The following NGEF variants were observed in gnomAD, a reference collection of about 807,000 sequenced individuals.
NGEF encodes neuronal guanine nucleotide exchange factor, also known as ephexin-1.
Under a neutral mutation model 80.9 loss-of-function variants are expected in NGEF, and 31 were observed. That is an observed-to-expected ratio of 0.38 (90% CI 0.29 to 0.52). The LOEUF (loss-of-function observed/expected upper bound fraction) is 0.52, where lower values mean the gene tolerates loss of function less well. NGEF is among the 20% of genes least tolerant of loss of function. NGEF has a pLI of 0.84. For synonymous variants in NGEF, 371 were observed against 370.2 expected, an observed-to-expected ratio of 1.00 and a Z score of -0.03; for missense variants, 709 against 926.2, an observed-to-expected ratio of 0.77 and a Z score of 3.04.
intron 5 of NGEF, among the ~76,000 whole-genome samples, chr2:232,903,988 C>T (rs1692428974): frequency 1.3e-5 from 2 of 152,180 alleles, no homozygotes; most frequent in African/African-American, 4.8e-5. Context: ...CAGATGCAGA[C>T]TGAGCTGCAT....
chr2:232,919,441 C>CT (rs562653114), intron 5 of NGEF, among the ~76,000 whole-genome samples: 19 of 149,024 alleles, frequency 1.3e-4, no homozygotes, highest in African/African-American at 1.7e-4. Context: ...AACCAAATCT[C>CT]TTTTTTTTTT....
intron 1 of NGEF, among the ~76,000 whole-genome samples, chr2:232,988,055 G>A (rs914160831): frequency 1.3e-5 from 2 of 151,578 alleles, no homozygotes; most frequent in Non-Finnish European, 2.9e-5. Flanking sequence ...GTGTGTGTGT[G>A]TGTGTGTGTG....
chr2:232,889,083 C>T (rs1691796813), intron 8 of NGEF, among the ~76,000 whole-genome samples: 1 of 152,192 alleles, frequency 6.6e-6, no homozygotes, highest in Admixed American at 6.5e-5. Flanking sequence ...TGGTCACCTG[C>T]CCGCCTCTGC....
rs371141578 is a variant in NGEF at position 232,879,780 on chromosome 2, A to AGG, written c.1943-103_1943-102dup. 1.1e-5 allele frequency: 12 copies of AGG among 1,137,598 alleles called. 1 individual carries two copies. Among genetic ancestry groups the AGG allele is most frequent in the African/African-American group, 9.3e-5 (6 of 64,778 alleles). The allele number at this position is 1,137,598 out of a possible 1,614,324, so 70.5% of individuals were successfully genotyped here. ...GGGCCCCCATCTGTGGCGGGACACT[A>AGG]GGGGTCCAGCTGGCCTTTCCCAAAA... is the stretch of plus-strand genomic sequence containing the variant. On this transcript the variant is annotated intron_variant, in intron 14 of 14. Coordinates refer to ENST00000264051, the MANE Select transcript of NGEF (RefSeq NM_019850.3).
intron 2 of NGEF, 75 bp from the exon 3 acceptor site, chr2:232,970,403 G>A (rs1694161687): frequency 6.3e-6 from 6 of 948,712 alleles, no homozygotes; most frequent in South Asian, 6.0e-5. Flanking sequence ...GTAAGCCTAG[G>A]ACAGTAGCAG....
chr2:232,914,624 A>G (rs1174802385), intron 5 of NGEF, among the ~76,000 whole-genome samples: 1 of 151,948 alleles, frequency 6.6e-6, no homozygotes, highest in Non-Finnish European at 1.5e-5. Flanking sequence ...AATTGCTTGA[A>G]CCCAGGAGGC....
chr2:233,004,970 C>CA (rs971773669), intron 1 of NGEF, among the ~76,000 whole-genome samples: 12 of 127,698 alleles, frequency 9.4e-5, no homozygotes, highest in African/African-American at 2.1e-4. Flanking sequence ...AAACCAAAAA[C>CA]AAAAAAAAGA....
At chr2:232,990,172 C>T (rs1290434451) in intron 1 of NGEF, among the ~76,000 whole-genome samples, 1 of 152,078 alleles carries the variant, frequency 6.6e-6, no homozygotes, top group Non-Finnish European at 1.5e-5. Flanking sequence ...AAAGAACCAA[C>T]TGAAACTCCC....
chr2:232,968,093 C>CTTT (rs1274944227), intron 3 of NGEF, among the ~76,000 whole-genome samples: 8 of 125,782 alleles, frequency 6.4e-5, no homozygotes, highest in African/African-American at 2.0e-4. Flanking sequence ...ACAGACCTGG[C>CTTT]TTTTTTTTTT....
intron 5 of NGEF, among the ~76,000 whole-genome samples, chr2:232,914,904 C>G (rs1053949886): frequency 3.3e-5 from 5 of 151,596 alleles, no homozygotes; most frequent in African/African-American, 1.2e-4. Context: ...GTAATCCCAG[C>G]TACTCGGGAG....
intron 12 of NGEF, among the ~76,000 whole-genome samples, chr2:232,882,865 G>A (rs902689212): frequency 6.6e-6 from 1 of 152,126 alleles, no homozygotes; most frequent in African/African-American, 2.4e-5. Context: ...CTTGTCCCTC[G>A]TGGGGGGCCT....
chr2:233,005,788 A>G (rs1695071817), intron 1 of NGEF, among the ~76,000 whole-genome samples: 1 of 152,062 alleles, frequency 6.6e-6, no homozygotes, highest in African/African-American at 2.4e-5. Context: ...GTCTTCTAGA[A>G]TTGTAAGATT....
Position 232,969,495 on chromosome 2 carries a change from C to T in NGEF, c.383+719G>A, listed in dbSNP as rs200658343. ...CTTCTTCCTTCCTTCCTTCCTCCCTCCCTCCCTCCCTCCCCTGCTTCCTTC... is the reference window on the plus strand; with the variant it reads ...CTTCTTCCTTCCTTCCTTCCTCCCTTCCTCCCTCCCTCCCCTGCTTCCTTC... On this transcript the variant is annotated intron_variant, in intron 3 of 14. Coordinates refer to ENST00000264051, the MANE Select transcript of NGEF (RefSeq NM_019850.3). Among the ~76,000 whole-genome samples the T allele has an allele frequency of 8.4e-3, 790 of 93,660 alleles. 5 individuals carry two copies. Among genetic ancestry groups the T allele is most frequent in the Non-Finnish European group, 9.3e-3 (466 of 49,866 alleles). The allele number at this position is 93,660 out of a possible 152,430, so 61.4% of individuals were successfully genotyped here.
intron 8 of NGEF, among the ~76,000 whole-genome samples, chr2:232,888,402 GCA>G (rs1332139549): frequency 1.3e-5 from 2 of 151,750 alleles, no homozygotes; most frequent in Non-Finnish European, 2.9e-5. Context: ...AAGCACACGT[GCA>G]CACATGCATG....
At chr2:232,943,568 T>C (rs2106298965) in intron 3 of NGEF, among the ~76,000 whole-genome samples, 1 of 149,720 alleles carries the variant, frequency 6.7e-6, no homozygotes, top group South Asian at 2.1e-4. Context: ...CGATCTCGGC[T>C]CACTGCAAGC....
At chr2:232,918,803 A>G (rs1229564330) in intron 5 of NGEF, among the ~76,000 whole-genome samples, 1 of 151,564 alleles carries the variant, frequency 6.6e-6, no homozygotes, top group Non-Finnish European at 1.5e-5. Flanking sequence ...TAACTTTTGT[A>G]TTTTTAGTAG....
At chr2:232,990,698 T>C (rs1402887410) in intron 1 of NGEF, among the ~76,000 whole-genome samples, 3 of 151,982 alleles carry the variant, frequency 2.0e-5, no homozygotes, top group Non-Finnish European at 1.5e-5. Context: ...TAAATTCTTA[T>C]CTCTAAAAAT....
At chr2:232,897,292 C>T (rs571415804) in intron 5 of NGEF, among the ~76,000 whole-genome samples, 6 of 152,046 alleles carry the variant, frequency 3.9e-5, no homozygotes, top group African/African-American at 1.2e-4. Flanking sequence ...CATTTGTTCC[C>T]AGAACACAGT....
At chr2:232,967,598 G>A (rs1694090111) in intron 3 of NGEF, among the ~76,000 whole-genome samples, 1 of 152,082 alleles carries the variant, frequency 6.6e-6, no homozygotes, top group South Asian at 2.1e-4. Flanking sequence ...TCCTCCCAAA[G>A]TGCAAACCTC....
Sources: allele counts gnomAD v4.1 joint callset (sites outside exome capture counted in the v4.1 genomes callset), GRCh38; gene constraint gnomAD v4.1.1; transcripts MANE v1.5; gene names NCBI Gene and HGNC (gene_info 2026-07-23, HGNC 2026-07-21).